The following MDFIC2 variants were observed in gnomAD, a reference collection of about 807,000 sequenced individuals.
MDFIC2 encodes the protein myoD family inhibitor domain-containing protein 2.
chr3:70,261,929 C>G (rs1701870728), intron 2 of MDFIC2, among the ~76,000 whole-genome samples: 1 of 152,098 alleles, frequency 6.6e-6, no homozygotes, highest in Non-Finnish European at 1.5e-5. Flanking sequence ...CATAAACGGC[C>G]AAGTTTAAAG....
At chr3:70,203,400 C>T (rs1307708724) in intron 3 of MDFIC2, among the ~76,000 whole-genome samples, 1 of 152,038 alleles carries the variant, frequency 6.6e-6, no homozygotes, top group African/African-American at 2.4e-5. Context: ...TGATTGAATG[C>T]CTTTCTCTAG....
chr3:70,223,893 T>A (rs1342308498), intron 2 of MDFIC2, among the ~76,000 whole-genome samples: 1 of 152,196 alleles, frequency 6.6e-6, no homozygotes, highest in African/African-American at 2.4e-5. Context: ...TCTCTTACTC[T>A]GCTTCATCAA....
intron 2 of MDFIC2, among the ~76,000 whole-genome samples, chr3:70,233,143 C>T (rs1348728584): frequency 2.6e-5 from 4 of 152,112 alleles, no homozygotes; most frequent in Non-Finnish European, 5.9e-5. Flanking sequence ...GAGCCAAGAT[C>T]GCGCCACTGC....
chr3:70,290,438 C>T (rs893861239), intron 2 of MDFIC2, among the ~76,000 whole-genome samples: 1 of 152,212 alleles, frequency 6.6e-6, no homozygotes, highest in Admixed American at 6.5e-5. Flanking sequence ...CAGCTGCGTA[C>T]TGGGAGAACC....
At chr3:70,244,100 G>A (rs769130514) in intron 2 of MDFIC2, among the ~76,000 whole-genome samples, 4 of 152,020 alleles carry the variant, frequency 2.6e-5, no homozygotes, top group Admixed American at 2.6e-4. Flanking sequence ...CCTGCTCTTC[G>A]GTTTCCCCCA....
At chr3:70,200,772 C>T (rs989861397) in intron 3 of MDFIC2, among the ~76,000 whole-genome samples, 1 of 152,098 alleles carries the variant, frequency 6.6e-6, no homozygotes, top group African/African-American at 2.4e-5. Context: ...TATTGTAATC[C>T]TCATTTTTTA....
chr3:70,278,287 T>G (rs1391823763), intron 2 of MDFIC2, among the ~76,000 whole-genome samples: 1 of 152,200 alleles, frequency 6.6e-6, no homozygotes, highest in Non-Finnish European at 1.5e-5. Flanking sequence ...TTTGTAGTAC[T>G]CCATGACAGG....
At chr3:70,243,682 C>T (rs1701680928) in intron 2 of MDFIC2, among the ~76,000 whole-genome samples, 1 of 152,136 alleles carries the variant, frequency 6.6e-6, no homozygotes, top group Admixed American at 6.5e-5. Context: ...TCCAACGTCT[C>T]CAGGTATTCC....
intron 2 of MDFIC2, among the ~76,000 whole-genome samples, chr3:70,260,690 A>T (rs746706270): frequency 6.6e-6 from 1 of 152,012 alleles, no homozygotes; most frequent in Non-Finnish European, 1.5e-5. Context: ...TTCTCTCCAG[A>T]TTCAGCACCT....
At position 70,194,771 on chromosome 3, in the gene MDFIC2, T is replaced by C. The variant is rs1701159588; in HGVS notation, c.*2155A>G. Among the ~76,000 whole-genome samples, 1 of 152,164 alleles carries C rather than the reference T, an allele frequency of 6.6e-6. No individual in the cohort carries two copies. The highest frequency in any genetic ancestry group is 2.4e-5 in the African/African-American group (1 of 41,430). Reference sequence around the variant, plus strand: ...GTAGAAAGAATAAGGGAATGATAATTGAAATATTTAACACCAATATGGCAT... The same window carrying C: ...GTAGAAAGAATAAGGGAATGATAATCGAAATATTTAACACCAATATGGCAT... On this transcript the variant is annotated 3_prime_UTR_variant, in exon 4 of 4. Transcript: ENST00000567252.
intron 2 of MDFIC2, among the ~76,000 whole-genome samples, chr3:70,283,308 T>G (rs1702107426): frequency 6.6e-6 from 1 of 152,072 alleles, no homozygotes; most frequent in Non-Finnish European, 1.5e-5. Flanking sequence ...TTCAATGCAC[T>G]GTGCCTGGCA....
chr3:70,296,403 C>G (rs80045983), intron 2 of MDFIC2, among the ~76,000 whole-genome samples: 2,018 of 152,142 alleles, frequency 0.013, 32 homozygotes, highest in African/African-American at 0.045. Flanking sequence ...GAAAATGGAC[C>G]TAATTTTAGA....
chr3:70,300,278 C>T (rs1702334844), intron 2 of MDFIC2, among the ~76,000 whole-genome samples: 2 of 152,096 alleles, frequency 1.3e-5, no homozygotes, highest in African/African-American at 4.8e-5. Context: ...TAACATTTCT[C>T]CTTTATTTAA....
chr3:70,202,534 A>G (rs1701249839), intron 3 of MDFIC2, among the ~76,000 whole-genome samples: 1 of 152,188 alleles, frequency 6.6e-6, no homozygotes, highest in South Asian at 2.1e-4. Flanking sequence ...TCTATAGAAC[A>G]CCTGGCATCC....
At chr3:70,311,758 G>T (rs1559560920) in intron 2 of MDFIC2, 128 bp downstream of exon 2, 3 of 383,412 alleles carry the variant, frequency 7.8e-6, no homozygotes, top group Non-Finnish European at 1.4e-5. Context: ...AAAAAGAAAA[G>T]AGTGAAAATC....
chr3:70,248,878 A>G (rs1477331026), intron 2 of MDFIC2, among the ~76,000 whole-genome samples: 1 of 152,122 alleles, frequency 6.6e-6, no homozygotes, highest in African/African-American at 2.4e-5. Context: ...AATTGAAAGG[A>G]CTCACTGGAT....
chr3:70,283,430 T>G (rs1274683516), intron 2 of MDFIC2, among the ~76,000 whole-genome samples: 2 of 152,082 alleles, frequency 1.3e-5, no homozygotes, highest in Non-Finnish European at 2.9e-5. Flanking sequence ...CTGGATACTG[T>G]AGAATTGTTC....
chr3:70,282,089 A>G (rs985978860), intron 2 of MDFIC2, among the ~76,000 whole-genome samples: 2 of 152,110 alleles, frequency 1.3e-5, no homozygotes, highest in Admixed American at 1.3e-4. Flanking sequence ...GCCAGGGAAG[A>G]AGGCTTTTTT....
intron 2 of MDFIC2, among the ~76,000 whole-genome samples, chr3:70,283,149 A>C (rs371008547): frequency 6.6e-6 from 1 of 152,110 alleles, no homozygotes; most frequent in Non-Finnish European, 1.5e-5. Context: ...CAACAGTAGC[A>C]CTAGGTGGTT....
Sources: allele counts gnomAD v4.1 joint callset (sites outside exome capture counted in the v4.1 genomes callset), GRCh38; gene constraint gnomAD v4.1.1; transcripts MANE v1.5; gene names NCBI Gene and HGNC (gene_info 2026-07-23, HGNC 2026-07-21).